Variants in ETV6 observed in about 807,000 individuals in gnomAD.
ETV6 encodes the protein ETS variant transcription factor 6, also known as transcription factor ETV6.
ETV6 carries 16 observed loss-of-function variants against 51.1 expected under a neutral mutation model. The observed-to-expected ratio is 0.31, with a 90% CI of 0.21 to 0.48. The LOEUF is 0.48. Among genes scored for constraint, ETV6 ranks in the 20% least tolerant of loss-of-function variants. The probability of loss-of-function intolerance (pLI) is 0.99; values close to 1 mark genes in which losing one functional copy is unlikely to be tolerated. For missense variants in ETV6, 458 were observed against 594.8 expected (o/e 0.77, Z 2.39); for synonymous variants, 240 against 224.1 (o/e 1.07, Z -0.64).
Position 11,876,458 on chromosome 12 carries a change from C to G in ETV6, c.1009+6489C>G, listed in dbSNP as rs138078666. 1.7e-4 allele frequency among the ~76,000 whole-genome samples: 26 copies of G among 152,292 alleles called. No homozygotes were observed. In the East Asian group the frequency reaches 5.0e-3, roughly 29 times the overall value. On this transcript the variant is annotated intron_variant, in intron 5 of 7. Coordinates refer to ENST00000396373, the MANE Select transcript of ETV6 (RefSeq NM_001987.5). ...CTGCTTTAACTATAGACAGCTAAAT[C>G]TTAAACGAACACTTTTCAGTCAGTT... is the stretch of plus-strand genomic sequence containing the variant.
intron 1 of ETV6, chr12:11,750,792 C>CTTTTTTTTTTTTTTTTTTTTTTT: frequency 2.9e-6 from 1 of 349,590 alleles, no homozygotes; most frequent in Admixed American, 3.7e-5. Context: ...TATGTGTGGG[C>CTTTTTTTTTTTTTTTTTTTTTTT]TTTTTTTTTT....
At chr12:11,816,309 G>A (rs1458711311) in intron 2 of ETV6, among the ~76,000 whole-genome samples, 1 of 152,166 alleles carries the variant, frequency 6.6e-6, no homozygotes, top group Non-Finnish European at 1.5e-5. Flanking sequence ...CAATGGCGCC[G>A]TCTCGGCTCA....
intron 2 of ETV6, among the ~76,000 whole-genome samples, chr12:11,754,147 A>T (rs1241679218): frequency 6.6e-6 from 1 of 152,220 alleles, no homozygotes; most frequent in Non-Finnish European, 1.5e-5. Flanking sequence ...TACTCATGCC[A>T]CACAGGCAGA....
At chr12:11,823,782 C>T (rs558252011) in intron 2 of ETV6, among the ~76,000 whole-genome samples, 533 of 152,174 alleles carry the variant, frequency 3.5e-3, no homozygotes, top group African/African-American at 0.012. Context: ...CCTTCTATTT[C>T]GATGTTTCAT....
intron 1 of ETV6, among the ~76,000 whole-genome samples, chr12:11,658,275 A>G (rs1373727433): frequency 6.6e-6 from 1 of 152,092 alleles, no homozygotes; most frequent in Non-Finnish European, 1.5e-5. Context: ...TCGCTCTGTC[A>G]CCCAGGCTGG....
chr12:11,824,217 C>T lies in ETV6; in HGVS notation c.164-14923C>T, dbSNP rs557821102. Among the ~76,000 whole-genome samples, 164 of 152,172 alleles carry T rather than the reference C, an allele frequency of 1.1e-3. 1 individual carries two copies. The highest frequency in any genetic ancestry group is 1.9e-3 in the Non-Finnish European group (132 of 68,028). ...CAATAGCAAAACCAAAACCCAGCGACGAGACATCCCCAAGTCCCACCTTAA... is the reference window on the plus strand; with the variant it reads ...CAATAGCAAAACCAAAACCCAGCGATGAGACATCCCCAAGTCCCACCTTAA... On this transcript the variant is annotated intron_variant, in intron 2 of 7. Coordinates refer to ENST00000396373, the MANE Select transcript of ETV6 (RefSeq NM_001987.5).
chr12:11,856,240 G>T (rs1451627051), intron 4 of ETV6, among the ~76,000 whole-genome samples: 1 of 152,150 alleles, frequency 6.6e-6, no homozygotes, highest in Non-Finnish European at 1.5e-5. Context: ...CACCGCATAC[G>T]CTGTAATGAG....
rs567885066 is a variant in ETV6, at chr12:11,792,414, C to A, written c.163+39835C>A. Among the ~76,000 whole-genome samples, 30 of 152,266 alleles carry A rather than the reference C, an allele frequency of 2.0e-4. No homozygotes were observed. The South Asian group carries it at 6.0e-3, about 31-fold the overall frequency. On this transcript the variant is annotated intron_variant, in intron 2 of 7. Transcript: ENST00000396373. ...ATTTAAAAATTAATCCTCGGCCAGGCGAGGTGGCTCACGCCTGTAATCTCA... is the reference window on the plus strand; with the variant it reads ...ATTTAAAAATTAATCCTCGGCCAGGAGAGGTGGCTCACGCCTGTAATCTCA...
At chr12:11,759,768 A>G (rs796187694) in intron 2 of ETV6, among the ~76,000 whole-genome samples, 3 of 65,536 alleles carry the variant, frequency 4.6e-5, no homozygotes, top group Non-Finnish European at 1.1e-4. Flanking sequence ...ATAAAGGTTC[A>G]GTGTGTTGGC....
At chr12:11,733,473 C>T (rs959381788) in intron 1 of ETV6, among the ~76,000 whole-genome samples, 8 of 151,750 alleles carry the variant, frequency 5.3e-5, no homozygotes, top group Non-Finnish European at 1.0e-4. Context: ...GCCCCCGCAC[C>T]GTGTTTTCTG....
chr12:11,663,444 A>G (rs1383305574), intron 1 of ETV6, among the ~76,000 whole-genome samples: 1 of 152,228 alleles, frequency 6.6e-6, no homozygotes, highest in Non-Finnish European at 1.5e-5. Context: ...GTTTGCATAT[A>G]TGCCACATGT....
chr12:11,666,654 C>T (rs1340727386), intron 1 of ETV6, among the ~76,000 whole-genome samples: 1 of 152,174 alleles, frequency 6.6e-6, no homozygotes, highest in African/African-American at 2.4e-5. Context: ...CTCGTTTTCT[C>T]CCTATTTCTG....
chr12:11,855,448 A>T (rs956149223), intron 4 of ETV6, among the ~76,000 whole-genome samples: 4 of 152,146 alleles, frequency 2.6e-5, no homozygotes, highest in Non-Finnish European at 5.9e-5. Flanking sequence ...CAGACGTCCA[A>T]ACGTGCATCA....
intron 1 of ETV6, among the ~76,000 whole-genome samples, chr12:11,744,998 G>A (rs1201152096): frequency 1.3e-5 from 2 of 152,078 alleles, no homozygotes; most frequent in Admixed American, 6.5e-5. Flanking sequence ...TAAAGAAGTC[G>A]ATTTAAGTTT....
In ETV6 at chr12:11,752,479, G is replaced by A; in HGVS notation, c.63G>A (p.Glu21=). Residue 21 remains glutamate, a synonymous_variant, in exon 2 of 8, where the codon GAG becomes GAA. Transcript: ENST00000396373. ...AACGAATTTCATATACACCTCCAGA[G>A]AGCCCAGTGCCGAGTTACGCTTCCT... The part of the protein sequence containing the change: ...KQERISYTPP[E]SPVPSYASST... 6 of 1,613,620 alleles carry A rather than the reference G, an allele frequency of 3.7e-6. No individual in the cohort carries two copies. The highest frequency in any genetic ancestry group is 4.2e-6 in the Non-Finnish European group (5 of 1,179,786).
chr12:11,670,365 A>G (rs1864290825), intron 1 of ETV6, among the ~76,000 whole-genome samples: 1 of 152,236 alleles, frequency 6.6e-6, no homozygotes, highest in African/African-American at 2.4e-5. Flanking sequence ...TCGTTTGGGT[A>G]AGAAACTCAG....
At chr12:11,854,159 C>T (rs548580978) in intron 4 of ETV6, among the ~76,000 whole-genome samples, 14 of 152,086 alleles carry the variant, frequency 9.2e-5, no homozygotes, top group Admixed American at 2.6e-4. Context: ...ATTAGATTCC[C>T]GTAAGGAGTG....
intron 2 of ETV6, among the ~76,000 whole-genome samples, chr12:11,818,590 C>G (rs1946030905): frequency 1.3e-5 from 2 of 151,450 alleles, no homozygotes; most frequent in African/African-American, 4.9e-5. Flanking sequence ...TCTGGGCACA[C>G]TGTATGTTCT....
At chr12:11,781,087 C>T (rs925327888) in intron 2 of ETV6, among the ~76,000 whole-genome samples, 2 of 152,186 alleles carry the variant, frequency 1.3e-5, no homozygotes, top group African/African-American at 4.8e-5. Flanking sequence ...ACAGTAAACC[C>T]CTGCTTTAAG....
Sources: allele counts gnomAD v4.1 joint callset (sites outside exome capture counted in the v4.1 genomes callset), GRCh38; gene constraint gnomAD v4.1.1; transcripts MANE v1.5; gene names NCBI Gene and HGNC (gene_info 2026-07-23, HGNC 2026-07-21).